BRWD1: variants seen among roughly 807,000 people sequenced by gnomAD.
BRWD1 encodes the protein bromodomain and WD repeat domain containing 1.
BRWD1 carries 82 observed loss-of-function variants against 251.2 expected under a neutral mutation model. The ratio of observed to expected loss-of-function variants is 0.33; its 90% CI spans 0.27 to 0.39. The LOEUF is 0.39. BRWD1 is among the 10% of genes least tolerant of loss of function. The pLI, the probability that BRWD1 is intolerant of heterozygous loss-of-function variation, is 1.00. For synonymous variants in BRWD1, 918 were observed against 902.8 expected, an observed-to-expected ratio of 1.02 and a Z score of -0.30; for missense variants, 2,233 against 2,711.6, an observed-to-expected ratio of 0.82 and a Z score of 3.92.
intron 17 of BRWD1, among the ~76,000 whole-genome samples, chr21:39,260,979 C>A (rs1266435420): frequency 6.6e-6 from 1 of 152,146 alleles, no homozygotes; most frequent in Non-Finnish European, 1.5e-5. Context: ...AATCCCTGCA[C>A]TTTGGGAGGC....
chr21:39,303,962 T>C (rs1354715235), intron 4 of BRWD1, among the ~76,000 whole-genome samples: 1 of 151,618 alleles, frequency 6.6e-6, no homozygotes, highest in East Asian at 1.9e-4. Context: ...GCCAACGTGG[T>C]TAAACCCTGT....
intron 13 of BRWD1, among the ~76,000 whole-genome samples, chr21:39,272,413 G>C (rs984117442): frequency 2.0e-5 from 3 of 150,996 alleles, no homozygotes; most frequent in African/African-American, 7.3e-5. Flanking sequence ...TGTAGTCTCA[G>C]CTACTCGTGA....
Position 39,250,701 on chromosome 21 carries a change from T to C in BRWD1, c.2349+95A>G, listed in dbSNP as rs576052960. On this transcript the variant is annotated intron_variant, in intron 20 of 40. Coordinates refer to ENST00000342449, the MANE Select transcript of BRWD1 (RefSeq NM_033656.4). Reference sequence around the variant, plus strand: ...AACCTTAAGCAAGAAATACTCCACTTCAGATGAAAGTTACTGATAGTTTTA... The same window carrying C: ...AACCTTAAGCAAGAAATACTCCACTCCAGATGAAAGTTACTGATAGTTTTA... 5 of 782,146 alleles carry C rather than the reference T, an allele frequency of 6.4e-6. No individual in the cohort carries two copies. In the African/African-American group the frequency reaches 7.1e-5, roughly 11 times the overall value. The allele number at this position is 782,146 out of a possible 1,614,324, so 48.5% of individuals were successfully genotyped here.
intron 8 of BRWD1, among the ~76,000 whole-genome samples, chr21:39,290,395 G>A (rs529262747): frequency 9.2e-5 from 14 of 151,488 alleles, no homozygotes; most frequent in Admixed American, 1.3e-4. Flanking sequence ...AGGCTGAGGC[G>A]CAGAAGAACC....
chr21:39,296,441 T>C lies in BRWD1; in HGVS notation c.350-78A>G, dbSNP rs920875040. 9 of 1,423,186 alleles carry C rather than the reference T, an allele frequency of 6.3e-6. No individual in the cohort carries two copies. In the East Asian group the frequency reaches 7.5e-5, roughly 12 times the overall value. 88.2% of individuals were successfully genotyped at this position (1,423,186 alleles called of 1,614,324 possible). On this transcript the variant is annotated intron_variant, in intron 5 of 40. Transcript: ENST00000342449. Reference sequence around the variant, plus strand: ...AGATTTTATAGAATACTTACGTATATTGTAATAAACTGTTTATTCAACATT... The same window carrying C: ...AGATTTTATAGAATACTTACGTATACTGTAATAAACTGTTTATTCAACATT...
At position 39,264,450 on chromosome 21, in the gene BRWD1, C is replaced by T; in HGVS notation, c.1885+10G>A. 7.6e-7 allele frequency: 1 copy of T among 1,318,880 alleles called. No homozygotes were observed. The highest frequency in any genetic ancestry group is 1.6e-5 in the African/African-American group (1 of 63,186). The allele number at this position is 1,318,880 out of a possible 1,614,324, so 81.7% of individuals were successfully genotyped here. A position where few individuals can be genotyped will look rare whatever the true frequency, so the allele number is the denominator to read the frequency against. On this transcript the variant is annotated intron_variant, in intron 17 of 40. Transcript: ENST00000342449. ...CTTTAAAAAAAAAAAAAAAAAAAGA[C>T]TGCACTTACTTGTTGCCACATAGCC... is the stretch of plus-strand genomic sequence containing the variant.
rs750430998 is a variant in BRWD1 at position 39,199,042 on chromosome 21, C to G, written c.5374G>C (p.Asp1792His). Reference sequence around the variant, plus strand: ...CCACCAGATCTTCCTGGTTCAGAATCTGCTTCCTCTGAGATGCTCTCTGCC... The same window carrying G: ...CCACCAGATCTTCCTGGTTCAGAATGTGCTTCCTCTGAGATGCTCTCTGCC... ...LKAESISEEADSEPGRSGGRK... is the reference protein window; with the variant it reads ...LKAESISEEAHSEPGRSGGRK... The change falls in exon 40 of 41, where the codon GAT becomes CAT. Residue 1792 changes from aspartate to histidine, a missense_variant. Asp to His is a moderately conservative substitution (Grantham distance 81). Transcript: ENST00000342449. 6.2e-7 allele frequency: 1 copy of G among 1,614,132 alleles called. No homozygotes were observed.
At chr21:39,291,752 A>G (rs2035814030) in intron 8 of BRWD1, among the ~76,000 whole-genome samples, 1 of 152,020 alleles carries the variant, frequency 6.6e-6, no homozygotes, top group Non-Finnish European at 1.5e-5. Flanking sequence ...CACGTGACAT[A>G]TGTGTCAGCA....
At position 39,215,254 on chromosome 21, in the gene BRWD1, T is replaced by C; in HGVS notation, c.3768A>G (p.Gln1256=). 6.2e-7 allele frequency: 1 copy of C among 1,611,844 alleles called. No homozygotes were observed. The highest frequency in any genetic ancestry group is 2.2e-5 in the East Asian group (1 of 44,836). ...TTACTTACTTGATAAATTTTAAAAG[T>C]TGGTCAGTTATCTTTTTAGCTGATC... The part of the protein sequence containing the change: ...IARSAKKITD[Q]LLKFIKNQHC... The change falls in exon 32 of 41, where the codon CAA becomes CAG. Residue 1256 remains glutamine (Q), a synonymous_variant. Coordinates refer to ENST00000342449, the MANE Select transcript of BRWD1 (RefSeq NM_033656.4).
rs889594796 is a variant in BRWD1 at position 39,245,833 on chromosome 21, C to G, written c.2481+1868G>C. 2.6e-5 allele frequency among the ~76,000 whole-genome samples: 4 copies of G among 152,224 alleles called. No individual in the cohort carries two copies. The East Asian group carries it at 7.7e-4, about 29-fold the overall frequency. The stretch of plus-strand genomic sequence containing the variant: ...CAAGCTGGTCTTGAAGTCCTGACCT[C>G]AGGAGTCATCTGCCCACCTTGGCCT... On this transcript the variant is annotated intron_variant, in intron 21 of 40. Coordinates refer to ENST00000342449, the MANE Select transcript of BRWD1 (RefSeq NM_033656.4).
At chr21:39,244,690 T>C (rs1265689025) in intron 21 of BRWD1, among the ~76,000 whole-genome samples, 3 of 152,038 alleles carry the variant, frequency 2.0e-5, no homozygotes, top group Admixed American at 6.6e-5. Flanking sequence ...CGTAACAGTT[T>C]TCCCAAAGGA....
chr21:39,193,650 T>A lies in BRWD1; in HGVS notation c.*2609A>T, dbSNP rs559737693. 1 of 985,426 alleles carries A rather than the reference T, an allele frequency of 1.0e-6. No homozygotes were observed. The highest frequency in any genetic ancestry group is 1.7e-5 in the African/African-American group (1 of 57,198). 61.0% of individuals were successfully genotyped at this position (985,426 alleles called of 1,614,324 possible). A position where few individuals can be genotyped will look rare whatever the true frequency, so the allele number is the denominator to read the frequency against. On this transcript the variant is annotated 3_prime_UTR_variant, in exon 41 of 41. Coordinates refer to ENST00000342449, the MANE Select transcript of BRWD1 (RefSeq NM_033656.4). ...CCATTAAGTTGAACTTCAAGTGCAGTGGAAAGGTACAGCACTTATTTCTGG... is the reference window on the plus strand; with the variant it reads ...CCATTAAGTTGAACTTCAAGTGCAGAGGAAAGGTACAGCACTTATTTCTGG...
Position 39,199,329 on chromosome 21 carries a change from T to A in BRWD1, c.5087A>T (p.Glu1696Val). The change falls in exon 40 of 41, where the codon GAA becomes GTA. Residue 1696 changes from glutamate (E) to valine (V), a missense_variant. Physicochemically the swap from Glu to Val is moderately radical, Grantham distance 121. Coordinates refer to ENST00000342449, the MANE Select transcript of BRWD1 (RefSeq NM_033656.4). ...ACTGGACACTGGTAATAGTTGATTT[T>A]CATCTTTTAGCTCCTCTTCTTCAAT... ...SEIEEEELKD[E>V]NQLLPVSSSH... 6.2e-7 allele frequency: 1 copy of A among 1,614,076 alleles called. No individual in the cohort carries two copies. The highest frequency in any genetic ancestry group is 2.2e-5 in the East Asian group (1 of 44,888).
chr21:39,269,970 C>T lies in BRWD1; in HGVS notation c.1459G>A (p.Ala487Thr), dbSNP rs1371017264. 1 of 1,593,450 alleles carries T rather than the reference C, an allele frequency of 6.3e-7. No homozygotes were observed. The highest frequency in any genetic ancestry group is 1.7e-5 in the Admixed American group (1 of 57,516). The change falls in exon 15 of 41, where the codon GCA becomes ACA. Residue 487 changes from alanine to threonine, a missense_variant. Transcript: ENST00000342449. ...HPFDSRIMLSAGHDGSIFIWD... is the reference protein window; with the variant it reads ...HPFDSRIMLSTGHDGSIFIWD... ...ATAAATATGCTGCCATCATGTCCTG[C>T]AGATAACATAATTCTGGAATCAAAG...
At position 39,188,981 on chromosome 21, in the gene BRWD1, G is replaced by C; in HGVS notation, c.*7278C>G. The C allele has an allele frequency of 1.0e-6, 1 of 985,390 alleles. No homozygotes were observed. Among genetic ancestry groups the C allele is most frequent in the Non-Finnish European group, 1.2e-6 (1 of 829,924 alleles). The allele number at this position is 985,390 out of a possible 1,614,324, so 61.0% of individuals were successfully genotyped here. On this transcript the variant is annotated 3_prime_UTR_variant, in exon 41 of 41. Transcript: ENST00000342449. Reference sequence around the variant, plus strand: ...CCTTCAGCTGGACTCTGTGGGAAGAGAAGTGGCTTAAAGTGCACTGTGTTT... The same window carrying C: ...CCTTCAGCTGGACTCTGTGGGAAGACAAGTGGCTTAAAGTGCACTGTGTTT...
chr21:39,292,129 GGGT>G (rs1568960568), intron 8 of BRWD1, among the ~76,000 whole-genome samples: 1 of 23,642 alleles, frequency 4.2e-5, no homozygotes, highest in Non-Finnish European at 9.4e-5. Context: ...GGGTGGGTGG[GGGT>G]GGGGGGGGGG....
At chr21:39,245,002 A>G in intron 21 of BRWD1, among the ~76,000 whole-genome samples, 1 of 149,634 alleles carries the variant, frequency 6.7e-6, no homozygotes, top group East Asian at 2.0e-4. Flanking sequence ...ATAATAAAAT[A>G]ATTATTTCCT....
At chr21:39,231,674 C>G (rs1184862823) in intron 25 of BRWD1, among the ~76,000 whole-genome samples, 1 of 152,180 alleles carries the variant, frequency 6.6e-6, no homozygotes, top group African/African-American at 2.4e-5. Context: ...CACCAGCAAT[C>G]TGAATAACTG....
At chr21:39,245,278 T>C (rs11908944) in intron 21 of BRWD1, among the ~76,000 whole-genome samples, 2,310 of 152,158 alleles carry the variant, frequency 0.015, 58 homozygotes, top group African/African-American at 0.053. Flanking sequence ...ATGGTTTTAA[T>C]CATAATCGTA....
Sources: gnomAD v4.1 joint callset for allele counts (sites outside exome capture counted in the v4.1 genomes callset) on GRCh38, gnomAD v4.1.1 for gene constraint, MANE v1.5 for transcripts, NCBI Gene and HGNC (gene_info 2026-07-23, HGNC 2026-07-21) for gene names.